LMTK2: variants seen among roughly 807,000 people sequenced by gnomAD.
LMTK2 encodes lemur tail kinase 2.
A neutral mutation model predicts 127.5 loss-of-function variants in LMTK2; 37 were observed. That is an observed-to-expected ratio of 0.29 (90% CI 0.22 to 0.38). The LOEUF is 0.38. Among genes scored for constraint, LMTK2 ranks in the 10% least tolerant of loss-of-function variants. The pLI, the probability that LMTK2 is intolerant of heterozygous loss-of-function variation, is 1.00. For missense variants in LMTK2, 1,694 were observed against 1,920.3 expected (o/e 0.88, Z 2.20); for synonymous variants, 819 against 810.1 (o/e 1.01, Z -0.19).
chr7:98,111,141 C>T (rs768450586), intron 1 of LMTK2, among the ~76,000 whole-genome samples: 21 of 152,264 alleles, frequency 1.4e-4, no homozygotes, highest in Non-Finnish European at 2.8e-4. Context: ...ATAGGAAGTC[C>T]GTCTGCAGTT....
At chr7:98,122,941 T>A (rs1302548717) in intron 1 of LMTK2, among the ~76,000 whole-genome samples, 1 of 152,122 alleles carries the variant, frequency 6.6e-6, no homozygotes. Context: ...CTCCCTTAAA[T>A]GTTGTTTCTT....
At chr7:98,119,394 C>T (rs973669498) in intron 1 of LMTK2, among the ~76,000 whole-genome samples, 3 of 152,184 alleles carry the variant, frequency 2.0e-5, no homozygotes, top group Admixed American at 2.0e-4. Context: ...ATCTGAAGAG[C>T]TCACTCATCC....
intron 3 of LMTK2, among the ~76,000 whole-genome samples, chr7:98,147,438 T>C (rs1036780206): frequency 6.6e-6 from 1 of 152,200 alleles, no homozygotes; most frequent in African/African-American, 2.4e-5. Context: ...CCTAATTAAC[T>C]GGTCTCAAAC....
chr7:98,151,765 G>A (rs1436168838), intron 4 of LMTK2, among the ~76,000 whole-genome samples: 1 of 152,218 alleles, frequency 6.6e-6, no homozygotes, highest in East Asian at 1.9e-4. Flanking sequence ...AGATCAAGGT[G>A]CTGGCTGAAT....
At chr7:98,175,434 A>G (rs540160363) in intron 7 of LMTK2, among the ~76,000 whole-genome samples, 1 of 152,326 alleles carries the variant, frequency 6.6e-6, no homozygotes, top group South Asian at 2.1e-4. Flanking sequence ...CTTGAAACCA[A>G]ATTACAGAGG....
intron 3 of LMTK2, among the ~76,000 whole-genome samples, chr7:98,147,935 C>T (rs920865977): frequency 4.6e-5 from 7 of 152,106 alleles, no homozygotes; most frequent in East Asian, 1.9e-4. Flanking sequence ...TTTTCTAGGC[C>T]GGGCGTGGTG....
At chr7:98,201,031 CTTTT>C (rs932231794) in intron 11 of LMTK2, among the ~76,000 whole-genome samples, 1 of 151,638 alleles carries the variant, frequency 6.6e-6, no homozygotes, top group South Asian at 2.1e-4. Flanking sequence ...TCTTTTCTCT[CTTTT>C]TTTTAAAAAC....
intron 5 of LMTK2, among the ~76,000 whole-genome samples, chr7:98,156,231 T>A (rs1162524673): frequency 6.6e-6 from 1 of 152,206 alleles, no homozygotes; most frequent in African/African-American, 2.4e-5. Context: ...CTTGGAAGGC[T>A]GAGGCGGGTG....
intron 2 of LMTK2, among the ~76,000 whole-genome samples, chr7:98,140,331 T>C (rs1036388835): frequency 6.6e-6 from 1 of 151,770 alleles, no homozygotes; most frequent in African/African-American, 2.4e-5. Context: ...AAATCATTAT[T>C]TGTAGAAACA....
chr7:98,180,995 T>C (rs1338741116), intron 7 of LMTK2, among the ~76,000 whole-genome samples: 1 of 152,016 alleles, frequency 6.6e-6, no homozygotes, highest in Non-Finnish European at 1.5e-5. Flanking sequence ...GAATAGGAGC[T>C]GGGGAGCCCT....
In LMTK2 at chr7:98,165,948, G is replaced by T. The variant is rs565886065; in HGVS notation, c.658-5593G>T. On this transcript the variant is annotated intron_variant, in intron 6 of 13. Transcript: ENST00000297293. ...GTGCTGGACAACCGCATGGGTTGAG[G>T]TGTGGGGGTGATTGGGTCGGGGGTA... Among the ~76,000 whole-genome samples, 5 of 152,272 alleles carry T rather than the reference G, an allele frequency of 3.3e-5. No homozygotes were observed. In the South Asian group the frequency reaches 1.0e-3, roughly 32 times the overall value.
intron 6 of LMTK2, among the ~76,000 whole-genome samples, chr7:98,161,943 A>G (rs929615667): frequency 2.0e-5 from 3 of 152,248 alleles, no homozygotes; most frequent in African/African-American, 7.2e-5. Context: ...CGGAGGCAGC[A>G]TCTATTTGAC....
chr7:98,198,203 T>G (rs1346345051), intron 11 of LMTK2, among the ~76,000 whole-genome samples: 1 of 151,840 alleles, frequency 6.6e-6, no homozygotes, highest in Non-Finnish European at 1.5e-5. Context: ...TCTCCTTTTT[T>G]TTTTTTTTTG....
At chr7:98,109,739 G>A (rs954763975) in intron 1 of LMTK2, among the ~76,000 whole-genome samples, 9 of 117,340 alleles carry the variant, frequency 7.7e-5, no homozygotes, top group East Asian at 4.4e-4. Flanking sequence ...GTGAGACTCC[G>A]TCTCAAAAAA....
At chr7:98,183,092 T>C (rs1197196327) in intron 7 of LMTK2, among the ~76,000 whole-genome samples, 1 of 152,218 alleles carries the variant, frequency 6.6e-6, no homozygotes, top group African/African-American at 2.4e-5. Context: ...CTGTAAGAAA[T>C]TGAAGTATTT....
At position 98,204,111 on chromosome 7, in the gene LMTK2, C is replaced by T. The variant is rs747241242; in HGVS notation, c.4408C>T (p.Arg1470Trp). 6.2e-6 allele frequency: 10 copies of T among 1,612,874 alleles called. 1 individual carries two copies. The highest frequency in any genetic ancestry group is 5.0e-5 in the Admixed American group (3 of 60,024). Residue 1470 changes from arginine (R) to tryptophan (W), a missense_variant, in exon 13 of 14, where the codon CGG becomes TGG. Physicochemically the swap from Arg to Trp is moderately radical, Grantham distance 101. Coordinates refer to ENST00000297293, the MANE Select transcript of LMTK2 (RefSeq NM_014916.4). ...CTGGCCGCACTCGGCGCCTTACTCC[C>T]GGTTCTCCATCTCTCCCGCCAACAT... ...QSWPHSAPYS[R>W]FSISPANIAS...
chr7:98,171,401 G>T lies in LMTK2; in HGVS notation c.658-140G>T. On this transcript the variant is annotated intron_variant, in intron 6 of 13. Coordinates refer to ENST00000297293, the MANE Select transcript of LMTK2 (RefSeq NM_014916.4). This position sits in a 1 kb window ranked among gnomAD's most constrained non-coding sequence, Gnocchi z 5.1. Reference sequence around the variant, plus strand: ...TAGTGTTCTATACTTTCGCAGTATTGGGTTGGAACTTCTTTAAGTATGAAC... The same window carrying T: ...TAGTGTTCTATACTTTCGCAGTATTTGGTTGGAACTTCTTTAAGTATGAAC... 1 of 1,009,486 alleles carries T rather than the reference G, an allele frequency of 9.9e-7. No individual in the cohort carries two copies. The highest frequency in any genetic ancestry group is 1.5e-6 in the Non-Finnish European group (1 of 654,074). The allele number at this position is 1,009,486 out of a possible 1,614,324, so 62.5% of individuals were successfully genotyped here. A position where few individuals can be genotyped will look rare whatever the true frequency, so the allele number is the denominator to read the frequency against.
chr7:98,107,170 T>C lies in LMTK2; in HGVS notation c.-8T>C. ...GAGGGCCGGCCCCGGAGCCGCGCCGTGGGCGAGATGCCGGGGCCGCCGGCG... is the reference window on the plus strand; with the variant it reads ...GAGGGCCGGCCCCGGAGCCGCGCCGCGGGCGAGATGCCGGGGCCGCCGGCG... On this transcript the variant is annotated 5_prime_UTR_variant, in exon 1 of 14. Transcript: ENST00000297293. 1 of 1,437,598 alleles carries C rather than the reference T, an allele frequency of 7.0e-7. No individual in the cohort carries two copies. The highest frequency in any genetic ancestry group is 9.1e-7 in the Non-Finnish European group (1 of 1,103,922). The allele number at this position is 1,437,598 out of a possible 1,614,324, so 89.1% of individuals were successfully genotyped here.
rs1171324811 is a variant in LMTK2 at position 98,176,539 on chromosome 7, G to A, written c.791+4865G>A. On this transcript the variant is annotated intron_variant, in intron 7 of 13. Coordinates refer to ENST00000297293, the MANE Select transcript of LMTK2 (RefSeq NM_014916.4). ...AAATAATAGGCCCAAGAAATAAGGG[G>A]GAAAAAAGAAAAAAATAATAATAGG... Among the ~76,000 whole-genome samples the A allele has an allele frequency of 1.3e-4, 20 of 151,866 alleles. 1 individual carries two copies.
Sources: gnomAD v4.1 joint callset for allele counts (sites outside exome capture counted in the v4.1 genomes callset) on GRCh38, gnomAD v4.1.1 for gene constraint, Gnocchi (gnomAD v3.1) non-coding constraint, MANE v1.5 for transcripts, NCBI Gene and HGNC (gene_info 2026-07-23, HGNC 2026-07-21) for gene names.